CNBD1: variants seen among roughly 807,000 people sequenced by gnomAD.
The protein encoded by CNBD1 is cyclic nucleotide-binding domain-containing protein 1.
Under a neutral mutation model 54.4 loss-of-function variants are expected in CNBD1, and 71 were observed. The observed-to-expected ratio is 1.30, with a 90% CI of 1.08 to 1.59. The LOEUF is 1.59. Ranked by LOEUF, CNBD1 falls within the 40% of genes most tolerant of loss-of-function variation. CNBD1 has a pLI of 0.00. For synonymous variants in CNBD1, 182 were observed against 170.7 expected (o/e 1.07, Z -0.51); for missense variants, 659 against 518.0 (o/e 1.27, Z -2.64).
chr8:87,381,464 G>A (rs1291089079), intron 10 of CNBD1, among the ~76,000 whole-genome samples: 1 of 151,922 alleles, frequency 6.6e-6, no homozygotes, highest in Admixed American at 6.6e-5. Flanking sequence ...ATGGAAAACA[G>A]AATGGAAGTC....
intron 8 of CNBD1, among the ~76,000 whole-genome samples, chr8:87,343,618 G>T (rs900544147): frequency 1.3e-5 from 2 of 152,178 alleles, no homozygotes; most frequent in Non-Finnish European, 2.9e-5. Context: ...CAATTAAGGA[G>T]CAGAGAGCTT....
At chr8:87,385,855 G>A (rs1012053522), downstream of CNBD1, among the ~76,000 whole-genome samples, 3 of 152,124 alleles carry the variant, frequency 2.0e-5, no homozygotes, top group Non-Finnish European at 2.9e-5. Context: ...AGCCTAACTG[G>A]GAGGCAACAC....
Position 87,363,628 on chromosome 8 carries a change from T to C in CNBD1, c.1303+9842T>C, listed in dbSNP as rs565908943. ...CAGTGATGATGAGCTTTTTTTCATA[T>C]GTTTGTTAGCTGCTAAATGTCTTCT... On this transcript the variant is annotated intron_variant, in intron 10 of 10. Coordinates refer to ENST00000518476, the MANE Select transcript of CNBD1 (RefSeq NM_173538.3). Among the ~76,000 whole-genome samples the C allele has an allele frequency of 4.6e-5, 7 of 152,074 alleles. 1 individual carries two copies. The South Asian group carries it at 8.3e-4, about 18-fold the overall frequency.
chr8:87,370,803 A>G (rs1377137736), intron 10 of CNBD1, among the ~76,000 whole-genome samples: 8 of 149,732 alleles, frequency 5.3e-5, no homozygotes, highest in Non-Finnish European at 1.2e-4. Context: ...GTCCTTGCCC[A>G]TGCCTATGTC....
intron 2 of CNBD1, among the ~76,000 whole-genome samples, chr8:87,394,857 T>C (rs934561625): frequency 7.2e-5 from 11 of 151,986 alleles, no homozygotes; most frequent in African/African-American, 2.6e-4. Flanking sequence ...TTTTACACTA[T>C]TTTTTACTCT....
Position 87,285,668 on chromosome 8 carries a change from C to G in CNBD1, c.909+853C>G, listed in dbSNP as rs927938380. 2.0e-5 allele frequency among the ~76,000 whole-genome samples: 3 copies of G among 151,962 alleles called. 1 individual carries two copies. Among genetic ancestry groups the G allele is most frequent in the African/African-American group, 7.3e-5 (3 of 41,372 alleles). On this transcript the variant is annotated intron_variant, in intron 7 of 10. Coordinates refer to ENST00000518476, the MANE Select transcript of CNBD1 (RefSeq NM_173538.3). ...GGCAGATCAGCTGAGGTCGAGAGTT[C>G]GAGACCAGCCTGACCAACATGGAGA...
At chr8:87,331,543 A>G (rs564004505) in intron 8 of CNBD1, among the ~76,000 whole-genome samples, 85 of 152,282 alleles carry the variant, frequency 5.6e-4, no homozygotes, top group African/African-American at 2.0e-3. Flanking sequence ...GTATCTTTAT[A>G]ATAGAATGAT....
chr8:87,267,661 G>A (rs1013321721), intron 6 of CNBD1, among the ~76,000 whole-genome samples: 4 of 152,126 alleles, frequency 2.6e-5, no homozygotes, highest in African/African-American at 7.2e-5. Flanking sequence ...TAAGTAATTT[G>A]AGTATAGCAT....
chr8:87,027,568 C>G (rs1254170103), intron 4 of CNBD1, among the ~76,000 whole-genome samples: 1 of 152,176 alleles, frequency 6.6e-6, no homozygotes, highest in Admixed American at 6.5e-5. Context: ...CCGTGCCTGG[C>G]CTGGCAGTTT....
chr8:86,943,618 C>G (rs1807391865), intron 4 of CNBD1, among the ~76,000 whole-genome samples: 1 of 151,796 alleles, frequency 6.6e-6, no homozygotes, highest in Non-Finnish European at 1.5e-5. Flanking sequence ...TTTGAGCAAC[C>G]AGAGGATTAC....
At chr8:87,301,336 ATTTAT>A (rs1272973790) in intron 8 of CNBD1, among the ~76,000 whole-genome samples, 4 of 152,160 alleles carry the variant, frequency 2.6e-5, no homozygotes, top group African/African-American at 7.2e-5. Context: ...ACCCTCCTTA[ATTTAT>A]TTTATGAAGC....
At chr8:87,324,618 T>C (rs1202671811) in intron 8 of CNBD1, among the ~76,000 whole-genome samples, 1 of 150,766 alleles carries the variant, frequency 6.6e-6, no homozygotes, top group Non-Finnish European at 1.5e-5. Flanking sequence ...TCTCTGATGG[T>C]AGTTTGTATT....
intron 4 of CNBD1, among the ~76,000 whole-genome samples, chr8:87,104,637 AGT>A (rs1464776387): frequency 1.3e-5 from 2 of 152,226 alleles, no homozygotes; most frequent in African/African-American, 2.4e-5. Context: ...TAAAAGAGCT[AGT>A]GTGGAGAGTA....
intron 4 of CNBD1, among the ~76,000 whole-genome samples, chr8:87,200,125 T>C (rs1447336932): frequency 2.0e-5 from 3 of 152,136 alleles, no homozygotes; most frequent in African/African-American, 7.2e-5. Flanking sequence ...TACCATCCAT[T>C]GTACCAGCAC....
At chr8:87,385,996 C>T (rs536700467), downstream of CNBD1, among the ~76,000 whole-genome samples, 7 of 152,242 alleles carry the variant, frequency 4.6e-5, no homozygotes, top group South Asian at 6.2e-4. Flanking sequence ...TGCTGATACC[C>T]AGGCAAACAT....
At chr8:87,020,025 G>A (rs1054142917) in intron 4 of CNBD1, among the ~76,000 whole-genome samples, 1 of 152,060 alleles carries the variant, frequency 6.6e-6, no homozygotes, top group African/African-American at 2.4e-5. Context: ...AATGCATATG[G>A]GTTTTTTCTG....
intron 5 of CNBD1, among the ~76,000 whole-genome samples, chr8:87,223,632 A>G (rs959347956): frequency 4.6e-5 from 7 of 152,188 alleles, no homozygotes; most frequent in Admixed American, 2.0e-4. Context: ...TTCTTAATCC[A>G]GTCTATCATT....
intron 6 of CNBD1, among the ~76,000 whole-genome samples, chr8:87,245,359 C>G (rs940970762): frequency 6.6e-6 from 1 of 151,928 alleles, no homozygotes; most frequent in Non-Finnish European, 1.5e-5. Flanking sequence ...TGTTTACCAA[C>G]GCTTTTTTAA....
intron 8 of CNBD1, among the ~76,000 whole-genome samples, chr8:87,290,766 T>G (rs1012618082): frequency 1.3e-5 from 2 of 152,166 alleles, no homozygotes; most frequent in African/African-American, 4.8e-5. Context: ...TTGGGTTATT[T>G]TGTGTAAGTT....
Sources: gnomAD v4.1 joint callset for allele counts (sites outside exome capture counted in the v4.1 genomes callset) on GRCh38, gnomAD v4.1.1 for gene constraint, MANE v1.5 for transcripts, NCBI Gene and HGNC (gene_info 2026-07-23, HGNC 2026-07-21) for gene names.